Variants in FAM193A observed in about 807,000 individuals in gnomAD.
The protein encoded by FAM193A is family with sequence similarity 193 member A.
A neutral mutation model predicts 126.5 loss-of-function variants in FAM193A; 22 were observed. The ratio of observed to expected loss-of-function variants is 0.17; its 90% CI spans 0.12 to 0.25. The LOEUF is 0.25. Among genes scored for constraint, FAM193A ranks in the 10% least tolerant of loss-of-function variants. FAM193A has a pLI of 1.00. For missense variants in FAM193A, 1,675 were observed against 1,672.8 expected, an observed-to-expected ratio of 1.00 and a Z score of -0.02; for synonymous variants, 761 against 646.8, an observed-to-expected ratio of 1.18 and a Z score of -2.68.
At chr4:2,567,246 C>T (rs975161727) in intron 1 of FAM193A, among the ~76,000 whole-genome samples, 7 of 143,308 alleles carry the variant, frequency 4.9e-5, no homozygotes, top group Admixed American at 2.0e-4. Flanking sequence ...CCACGCCCGG[C>T]CTGAGCCACC....
At chr4:2,676,795 G>A (rs970202808) in intron 13 of FAM193A, among the ~76,000 whole-genome samples, 2 of 152,100 alleles carry the variant, frequency 1.3e-5, no homozygotes, top group African/African-American at 4.8e-5. Context: ...AAAAAAATTA[G>A]CCGGGTGTGG....
At chr4:2,681,592 G>A (rs922778720) in intron 13 of FAM193A, among the ~76,000 whole-genome samples, 2 of 151,892 alleles carry the variant, frequency 1.3e-5, no homozygotes, top group African/African-American at 4.8e-5. Flanking sequence ...TGGACTACAG[G>A]TGTGTGCCAC....
At chr4:2,700,919 CATGCCGTT>C (rs1717651355) in intron 19 of FAM193A, among the ~76,000 whole-genome samples, 1 of 152,108 alleles carries the variant, frequency 6.6e-6, no homozygotes, top group Non-Finnish European at 1.5e-5. Context: ...GAGCCAAGAT[CATGCCGTT>C]GCACTCCAGC....
In FAM193A at chr4:2,626,482, G is replaced by A. The variant is rs1742977193; in HGVS notation, c.708G>A (p.Val236=). ...ACTGGTCAGAAGTGCGCTACACGGTGCGCTGCATCTACCGCCAGGCAGGAA... is the reference window on the plus strand; with the variant it reads ...ACTGGTCAGAAGTGCGCTACACGGTACGCTGCATCTACCGCCAGGCAGGAA... The part of the protein sequence containing the change: ...QNYWSEVRYT[V]RCIYRQAGTP... Residue 236 remains valine, a synonymous_variant, in exon 4 of 21, where the codon GTG becomes GTA. Transcript: ENST00000637812. 4 of 702,668 alleles carry A rather than the reference G, an allele frequency of 5.7e-6. No homozygotes were observed. The highest frequency in any genetic ancestry group is 1.0e-5 in the Non-Finnish European group (4 of 384,936). 43.5% of individuals were successfully genotyped at this position (702,668 alleles called of 1,614,324 possible).
At chr4:2,724,878 A>T (rs999110870) in intron 20 of FAM193A, among the ~76,000 whole-genome samples, 19 of 152,064 alleles carry the variant, frequency 1.2e-4, no homozygotes, top group African/African-American at 4.3e-4. Flanking sequence ...TTTATTATGA[A>T]TTTTTTAACT....
intron 12 of FAM193A, among the ~76,000 whole-genome samples, chr4:2,668,761 CCTT>C (rs1341114421): frequency 1.3e-5 from 2 of 151,894 alleles, no homozygotes; most frequent in Non-Finnish European, 2.9e-5. Flanking sequence ...TGCCTGCCTG[CCTT>C]CTTTTCTTTC....
At chr4:2,582,825 C>T (rs973943393) in intron 1 of FAM193A, among the ~76,000 whole-genome samples, 28 of 152,048 alleles carry the variant, frequency 1.8e-4, no homozygotes, top group African/African-American at 6.5e-4. Context: ...AGTCTTCTTT[C>T]TTTGTTGTAT....
chr4:2,679,860 AT>A (rs35159259), intron 13 of FAM193A, among the ~76,000 whole-genome samples: 25,898 of 143,824 alleles, frequency 0.18, 2,836 homozygotes, highest in Middle Eastern at 0.3. Context: ...TTATTGGGTG[AT>A]TTTTTTTTTT....
chr4:2,670,695 A>G (rs993479537), intron 12 of FAM193A, among the ~76,000 whole-genome samples: 2 of 152,128 alleles, frequency 1.3e-5, no homozygotes, highest in Non-Finnish European at 2.9e-5. Context: ...CTTGGGCTCA[A>G]GTGATCTTCC....
intron 13 of FAM193A, among the ~76,000 whole-genome samples, chr4:2,674,658 G>T (rs572273178): frequency 6.6e-6 from 1 of 152,122 alleles, no homozygotes; most frequent in East Asian, 1.9e-4. Context: ...TTTAGGCTTT[G>T]TGGGTAAATA....
chr4:2,639,159 C>T (rs1744368995), intron 5 of FAM193A, among the ~76,000 whole-genome samples: 1 of 152,164 alleles, frequency 6.6e-6, no homozygotes, highest in Non-Finnish European at 1.5e-5. Flanking sequence ...ACATCACTCT[C>T]TATGATGACT....
At chr4:2,570,357 C>T (rs1394220259) in intron 1 of FAM193A, among the ~76,000 whole-genome samples, 1 of 152,176 alleles carries the variant, frequency 6.6e-6, no homozygotes, top group Non-Finnish European at 1.5e-5. Context: ...GTAACCCTAA[C>T]TCTGAATCTA....
At chr4:2,692,511 A>G (rs1716516670) in intron 15 of FAM193A, among the ~76,000 whole-genome samples, 1 of 152,218 alleles carries the variant, frequency 6.6e-6, no homozygotes, top group Non-Finnish European at 1.5e-5. Flanking sequence ...AGACAGTGCC[A>G]TGCACACCAC....
intron 19 of FAM193A, among the ~76,000 whole-genome samples, chr4:2,711,277 G>C (rs529432): frequency 0.64 from 96,572 of 151,978 alleles, 31,981 homozygotes; most frequent in Admixed American, 0.77. Context: ...ACTTTCCTCT[G>C]ATCTTTTTCT....
chr4:2,555,583 A>G (rs1438517557), intron 1 of FAM193A, among the ~76,000 whole-genome samples: 1 of 152,186 alleles, frequency 6.6e-6, no homozygotes, highest in East Asian at 1.9e-4. Flanking sequence ...TTTTGAGACC[A>G]GCCTGGGCAA....
At chr4:2,546,108 A>G (rs937757372) in intron 1 of FAM193A, among the ~76,000 whole-genome samples, 3 of 151,854 alleles carry the variant, frequency 2.0e-5, no homozygotes, top group South Asian at 2.1e-4. Context: ...AGATTGTGCC[A>G]CTGCACTCCA....
At position 2,566,626 on chromosome 4, in the gene FAM193A, T is replaced by G. The variant is rs1738969536; in HGVS notation, c.255+29456T>G. On this transcript the variant is annotated intron_variant, in intron 1 of 20. Transcript: ENST00000637812. ...ATCACTTGAACCTGGGAGGCGAGGTTGCAGTGAGCCAAGATCACACCACTG... is the reference window on the plus strand; with the variant it reads ...ATCACTTGAACCTGGGAGGCGAGGTGGCAGTGAGCCAAGATCACACCACTG... 2.0e-5 allele frequency among the ~76,000 whole-genome samples: 3 copies of G among 151,946 alleles called. 1 individual carries two copies. In the South Asian group the frequency reaches 6.2e-4, roughly 32 times the overall value.
chr4:2,590,492 A>AAC (rs1560464585), intron 1 of FAM193A, among the ~76,000 whole-genome samples: 8 of 94,458 alleles, frequency 8.5e-5, no homozygotes, highest in African/African-American at 2.9e-4. Context: ...AAAACAAAAA[A>AAC]AAACAAAAAA....
chr4:2,676,419 TG>T (rs1189717379), intron 13 of FAM193A, among the ~76,000 whole-genome samples: 1 of 152,262 alleles, frequency 6.6e-6, no homozygotes, highest in African/African-American at 2.4e-5. Context: ...TAGTGTTTAG[TG>T]ATGTTGGGCA....
Sources: gnomAD v4.1 joint callset for allele counts (sites outside exome capture counted in the v4.1 genomes callset) on GRCh38, gnomAD v4.1.1 for gene constraint, MANE v1.5 for transcripts, NCBI Gene and HGNC (gene_info 2026-07-23, HGNC 2026-07-21) for gene names.